Variants in DDX60 observed in about 807,000 individuals in gnomAD.
The protein encoded by DDX60 is DExD/H-box helicase 60.
DDX60 carries 165 observed loss-of-function variants against 212.8 expected under a neutral mutation model. That is an observed-to-expected ratio of 0.78 (90% CI 0.68 to 0.88). DDX60 has a LOEUF of 0.88. DDX60 is among the 40% of genes least tolerant of loss of function. The pLI, the probability that DDX60 is intolerant of heterozygous loss-of-function variation, is 0.00. For missense variants in DDX60, 1,905 were observed against 2,003.9 expected (o/e 0.95, Z 0.94); for synonymous variants, 703 against 685.3 (o/e 1.03, Z -0.40).
chr4:168,290,323 CT>C (rs1736033566), intron 8 of DDX60, among the ~76,000 whole-genome samples: 1 of 143,312 alleles, frequency 7.0e-6, no homozygotes, highest in Non-Finnish European at 1.5e-5. Context: ...GTTTTCTTTT[CT>C]TTTCTTTTTT....
chr4:168,270,956 C>T (rs1457078638), intron 19 of DDX60, among the ~76,000 whole-genome samples: 2 of 145,186 alleles, frequency 1.4e-5, no homozygotes, highest in African/African-American at 5.2e-5. Flanking sequence ...TGGCTCACTG[C>T]AACCTCCACC....
At chr4:168,236,516 T>G (rs1287078691) in intron 32 of DDX60, 143 bp from the exon 33 acceptor site, 1 of 694,064 alleles carries the variant, frequency 1.4e-6, no homozygotes, top group African/African-American at 1.9e-5. Context: ...TTACCATATA[T>G]CCGCTAATAG....
chr4:168,279,306 C>A (rs1210927402), intron 14 of DDX60, among the ~76,000 whole-genome samples: 2 of 152,200 alleles, frequency 1.3e-5, no homozygotes, highest in African/African-American at 4.8e-5. Flanking sequence ...ATGCACCTAG[C>A]CATCCCAAAT....
At chr4:168,290,949 T>A (rs1019111341) in intron 8 of DDX60, among the ~76,000 whole-genome samples, 1 of 152,188 alleles carries the variant, frequency 6.6e-6, no homozygotes, top group East Asian at 1.9e-4. Flanking sequence ...TGTATAATGA[T>A]CCTTAAAAAA....
In DDX60 at chr4:168,288,204, C is replaced by T. The variant is rs775630166; in HGVS notation, c.1153G>A (p.Ala385Thr). The change falls in exon 9 of 38, where the codon GCT becomes ACT. Residue 385 changes from alanine (A) to threonine (T), a missense_variant. Coordinates refer to ENST00000393743, the MANE Select transcript of DDX60 (RefSeq NM_017631.6). Reference sequence around the variant, plus strand: ...ACATTTTCATTTTCATAGTAAAAAGCAATATTCTTCAACAAAAGCTCATCA... The same window carrying T: ...ACATTTTCATTTTCATAGTAAAAAGTAATATTCTTCAACAAAAGCTCATCA... ...LNDELLLKNIAFYYENENVKG... is the reference protein window; with the variant it reads ...LNDELLLKNITFYYENENVKG... 7.3e-6 allele frequency: 11 copies of T among 1,506,422 alleles called. No homozygotes were observed. Among genetic ancestry groups the T allele is most frequent in the Non-Finnish European group, 9.0e-6 (10 of 1,105,336 alleles). 93.3% of individuals were successfully genotyped at this position (1,506,422 alleles called of 1,614,324 possible).
chr4:168,234,796 C>T (rs1432528111), intron 33 of DDX60, among the ~76,000 whole-genome samples: 6 of 152,044 alleles, frequency 3.9e-5, no homozygotes, highest in African/African-American at 4.8e-5. Context: ...TTATCTTTCA[C>T]AAGAGCGAAT....
chr4:168,270,434 A>G (rs1579027042), intron 19 of DDX60, among the ~76,000 whole-genome samples: 1 of 152,264 alleles, frequency 6.6e-6, no homozygotes, highest in Admixed American at 6.5e-5. Context: ...TATGCTTTGC[A>G]CTAGATAGCA....
intron 13 of DDX60, among the ~76,000 whole-genome samples, chr4:168,281,424 C>T (rs1735588300): frequency 1.3e-5 from 2 of 152,176 alleles, no homozygotes; most frequent in East Asian, 3.9e-4. Context: ...TTTGCCATTC[C>T]TCCTCTCTTG....
chr4:168,293,087 G>A (rs185816931), intron 7 of DDX60, among the ~76,000 whole-genome samples: 175 of 152,218 alleles, frequency 1.1e-3, no homozygotes, highest in Middle Eastern at 3.4e-3. Flanking sequence ...ATACACATGC[G>A]TCTGAGTGTG....
chr4:168,255,691 T>C lies in DDX60; in HGVS notation c.3557+20A>G, dbSNP rs778151022. On this transcript the variant is annotated intron_variant, in intron 26 of 37. Coordinates refer to ENST00000393743, the MANE Select transcript of DDX60 (RefSeq NM_017631.6). ...GTATTTTAACCCTCTACTTATCAAT[T>C]TGTTTAGTTAACTACTTACATGATC... The C allele has an allele frequency of 6.4e-7, 1 of 1,561,372 alleles. No homozygotes were observed. Among genetic ancestry groups the C allele is most frequent in the Non-Finnish European group, 8.6e-7 (1 of 1,160,936 alleles).
At chr4:168,240,683 C>T (rs1279036750) in intron 30 of DDX60, among the ~76,000 whole-genome samples, 1 of 152,024 alleles carries the variant, frequency 6.6e-6, no homozygotes, top group Non-Finnish European at 1.5e-5. Flanking sequence ...CAAAAACAAG[C>T]AATGGGGAAA....
At chr4:168,295,249 G>A (rs887355441) in intron 6 of DDX60, among the ~76,000 whole-genome samples, 38 of 152,184 alleles carry the variant, frequency 2.5e-4, no homozygotes, top group Non-Finnish European at 4.9e-4. Flanking sequence ...CAAAGGAACC[G>A]AAATTAGTAT....
chr4:168,248,751 G>A (rs887972707), intron 28 of DDX60, among the ~76,000 whole-genome samples: 1 of 149,662 alleles, frequency 6.7e-6, no homozygotes, highest in Non-Finnish European at 1.5e-5. Context: ...CAACTGATAG[G>A]TGTTCAGTAA....
chr4:168,314,514 A>G (rs1737280189), intron 1 of DDX60, among the ~76,000 whole-genome samples: 3 of 152,228 alleles, frequency 2.0e-5, no homozygotes, highest in Admixed American at 1.3e-4. Flanking sequence ...AGAGAGAAAG[A>G]GAAAAAGAAA....
In DDX60 at chr4:168,275,346, T is replaced by C; in HGVS notation, c.2303A>G (p.Gln768Arg). ...RVQDFIPDTWQRELLDVVDKN... is the reference protein window; with the variant it reads ...RVQDFIPDTWRRELLDVVDKN... ...TTTTTGTTTCATTTGCAGTATTACC[T>C]GCCATGTGTCGGGAATAAAATCCTG... Residue 768 changes from glutamine (Q) to arginine (R), a missense_variant and splice_region_variant, in exon 16 of 38, where the codon CAG becomes CGG. Gln to Arg is a conservative substitution (Grantham distance 43). Coordinates refer to ENST00000393743, the MANE Select transcript of DDX60 (RefSeq NM_017631.6). 6.2e-7 allele frequency: 1 copy of C among 1,601,744 alleles called. No homozygotes were observed. The highest frequency in any genetic ancestry group is 8.5e-7 in the Non-Finnish European group (1 of 1,175,116).
At chr4:168,309,339 T>C (rs77761149) in intron 3 of DDX60, among the ~76,000 whole-genome samples, 1,759 of 152,262 alleles carry the variant, frequency 0.012, 30 homozygotes, top group African/African-American at 0.04. Context: ...CAAGAAAAAG[T>C]TGAATTGCCT....
rs757461751 is a variant in DDX60 at position 168,237,796 on chromosome 4, C to T, written c.4165-1G>A. 5.0e-6 allele frequency: 8 copies of T among 1,594,300 alleles called. No individual in the cohort carries two copies. Among genetic ancestry groups the T allele is most frequent in the Non-Finnish European group, 2.6e-6 (3 of 1,171,044 alleles). On this transcript the variant is annotated splice_acceptor_variant, in intron 30 of 37. Coordinates refer to ENST00000393743, the MANE Select transcript of DDX60 (RefSeq NM_017631.6). LOFTEE classifies it high-confidence loss of function. ...ATGAATGCTTTAGCACTGATAGCAC[C>T]TTTAAAGAAAAGAGTATTTTTAGAC...
At chr4:168,311,141 A>T in intron 2 of DDX60, 74 bp from the exon 3 acceptor site, 1 of 1,420,574 alleles carries the variant, frequency 7.0e-7, no homozygotes, top group Non-Finnish European at 9.8e-7. Context: ...GCTATCATTT[A>T]GTTATTATTC....
At chr4:168,232,645 T>C (rs945298402) in intron 33 of DDX60, among the ~76,000 whole-genome samples, 10 of 151,954 alleles carry the variant, frequency 6.6e-5, no homozygotes, top group Admixed American at 5.3e-4. Flanking sequence ...GCTGGGATAA[T>C]TGGCAAGCCA....
Sources: allele counts gnomAD v4.1 joint callset (sites outside exome capture counted in the v4.1 genomes callset), GRCh38; gene constraint gnomAD v4.1.1; transcripts MANE v1.5; gene names NCBI Gene and HGNC (gene_info 2026-07-23, HGNC 2026-07-21).